The following NUDT5 variants were observed in gnomAD, a reference collection of about 807,000 sequenced individuals.
NUDT5 encodes the protein ADP-sugar pyrophosphatase.
NUDT5 carries 21 observed loss-of-function variants against 34.1 expected under a neutral mutation model. That is an observed-to-expected ratio of 0.62 (90% CI 0.44 to 0.89). The LOEUF (loss-of-function observed/expected upper bound fraction) is 0.89, where lower values mean the gene tolerates loss of function less well. Ranked by LOEUF, NUDT5 falls within the 40% of genes least tolerant of loss-of-function variation. The pLI is 0.00. For synonymous variants in NUDT5, 85 were observed against 97.6 expected (o/e 0.87, Z 0.76); for missense variants, 249 against 274.8 (o/e 0.91, Z 0.66).
Position 12,175,766 on chromosome 10 carries a change from CTACAAAAAAA to C in NUDT5, c.290-1963_290-1954del, listed in dbSNP as rs1262870692. Among the ~76,000 whole-genome samples the C allele has an allele frequency of 6.6e-6, 1 of 151,316 alleles. No homozygotes were observed. Among genetic ancestry groups the C allele is most frequent in the African/African-American group, 2.4e-5 (1 of 41,132 alleles). Reference sequence around the variant, plus strand: ...TGGGCAACATGGCAAAACCCCATCTCTACAAAAAAATACAAAAAATGAGGTGGGAGGATCA... The same window carrying C: ...TGGGCAACATGGCAAAACCCCATCTCTACAAAAAATGAGGTGGGAGGATCA... On this transcript the variant is annotated intron_variant, in intron 5 of 9. Transcript: ENST00000491614. The surrounding 1 kb of genome is among the most constrained non-coding windows in gnomAD (Gnocchi z 4.8).
Position 12,177,315 on chromosome 10 carries a change from C to G in NUDT5, c.289+478G>C, listed in dbSNP as rs182915618. On this transcript the variant is annotated intron_variant, in intron 5 of 9. Coordinates refer to ENST00000491614, the MANE Select transcript of NUDT5 (RefSeq NM_014142.4). Reference sequence around the variant, plus strand: ...CAGGCAGATCACAAGGTCAGGAGATCGAGACCATCCTGGCCAACACGGTGA... The same window carrying G: ...CAGGCAGATCACAAGGTCAGGAGATGGAGACCATCCTGGCCAACACGGTGA... 2.0e-4 allele frequency among the ~76,000 whole-genome samples: 30 copies of G among 152,060 alleles called. No homozygotes were observed. In the East Asian group the frequency reaches 5.1e-3, roughly 26 times the overall value.
rs948607026 is a variant in NUDT5 at position 12,173,930 on chromosome 10, G to A, written c.290-117C>T. ...CGCCCAGGCTGGAGTGCAGTGGTGCGATCTCGGCCCACTGCAACCTCCGCC... is the reference window on the plus strand; with the variant it reads ...CGCCCAGGCTGGAGTGCAGTGGTGCAATCTCGGCCCACTGCAACCTCCGCC... On this transcript the variant is annotated intron_variant, in intron 5 of 9. Coordinates refer to ENST00000491614, the MANE Select transcript of NUDT5 (RefSeq NM_014142.4). This position sits in a 1 kb window ranked among gnomAD's most constrained non-coding sequence, Gnocchi z 4.7. 8.9e-5 allele frequency: 66 copies of A among 737,444 alleles called. 1 individual carries two copies. Among genetic ancestry groups the A allele is most frequent in the African/African-American group, 1.9e-4 (11 of 57,068 alleles). The allele number at this position is 737,444 out of a possible 1,614,324, so 45.7% of individuals were successfully genotyped here. A position where few individuals can be genotyped will look rare whatever the true frequency, so the allele number is the denominator to read the frequency against.
At position 12,165,635 on chromosome 10, in the gene NUDT5, A is replaced by G. The variant is rs1834656215; in HGVS notation, c.*2067T>C. ...TATCCCAGTCTCCATTTGAAAGAGC[A>G]TAGATCTTGGTAAATCATTTTGAAA... On this transcript the variant is annotated 3_prime_UTR_variant, in exon 10 of 10. Coordinates refer to ENST00000491614, the MANE Select transcript of NUDT5 (RefSeq NM_014142.4). 1 of 152,404 alleles carries G rather than the reference A, an allele frequency of 6.6e-6. No homozygotes were observed. The highest frequency in any genetic ancestry group is 2.4e-5 in the African/African-American group (1 of 41,470). The allele number at this position is 152,404 out of a possible 1,614,324, so 9.4% of individuals were successfully genotyped here. A position where few individuals can be genotyped will look rare whatever the true frequency, so the allele number is the denominator to read the frequency against.
At chr10:12,174,449 T>G (rs1457308834) in intron 5 of NUDT5, among the ~76,000 whole-genome samples, 1 of 151,970 alleles carries the variant, frequency 6.6e-6, no homozygotes, top group Non-Finnish European at 1.5e-5. Context: ...GTATTTGTAG[T>G]AGAGGCTAAT....
In NUDT5 at chr10:12,170,664, G is replaced by C. The variant is rs1194605131; in HGVS notation, c.550+53C>G. On this transcript the variant is annotated intron_variant, in intron 9 of 9. Coordinates refer to ENST00000491614, the MANE Select transcript of NUDT5 (RefSeq NM_014142.4). The surrounding 1 kb of genome is among the most constrained non-coding windows in gnomAD (Gnocchi z 4.9). ...TTATATTTAGTACCCAGTTTGCTGG[G>C]ATGGGGACGGGGAGAACTGGAGAAA... is the stretch of plus-strand genomic sequence containing the variant. 2.6e-6 allele frequency: 4 copies of C among 1,533,984 alleles called. No individual in the cohort carries two copies. The highest frequency in any genetic ancestry group is 2.7e-6 in the Non-Finnish European group (3 of 1,108,754).
chr10:12,172,908 C>T, intron 6 of NUDT5, 42 bp from the exon 7 acceptor site: 1 of 1,410,876 alleles, frequency 7.1e-7, no homozygotes. Flanking sequence ...GTCCCTTTGG[C>T]ATTTGTTTCA....
chr10:12,189,000 T>C (rs1421451523), intron 1 of NUDT5, among the ~76,000 whole-genome samples: 1 of 152,250 alleles, frequency 6.6e-6, no homozygotes. Context: ...GTAAACCACG[T>C]AGAAGTTTAA....
intron 1 of NUDT5, among the ~76,000 whole-genome samples, chr10:12,194,827 T>G (rs1835302480): frequency 6.6e-6 from 1 of 152,188 alleles, no homozygotes; most frequent in African/African-American, 2.4e-5. Flanking sequence ...CGCGCAAGCC[T>G]AAAGCTCGTG....
chr10:12,167,942 T>C (rs1263947506), intron 9 of NUDT5, 131 bp from the exon 10 acceptor site: 5 of 1,447,846 alleles, frequency 3.5e-6, no homozygotes, highest in Non-Finnish European at 2.7e-6. Flanking sequence ...ATAACGTTTT[T>C]TTTGGTCTAT....
At chr10:12,193,992 T>C (rs1330620577) in intron 1 of NUDT5, among the ~76,000 whole-genome samples, 9 of 152,100 alleles carry the variant, frequency 5.9e-5, no homozygotes, top group African/African-American at 2.2e-4. Flanking sequence ...TTCTCCTGCC[T>C]CAGCCTCCCG....
intron 3 of NUDT5, among the ~76,000 whole-genome samples, chr10:12,183,494 G>A (rs886224135): frequency 2.0e-5 from 3 of 152,146 alleles, no homozygotes; most frequent in East Asian, 1.9e-4. Context: ...GCATCTTGAC[G>A]ATCTATTTCA....
chr10:12,186,010 C>A (rs945311030), intron 2 of NUDT5, among the ~76,000 whole-genome samples: 1 of 152,116 alleles, frequency 6.6e-6, no homozygotes, highest in Non-Finnish European at 1.5e-5. Context: ...CTGTTAAGAG[C>A]CCAAATCTCC....
chr10:12,187,305 G>A lies in NUDT5; in HGVS notation c.-41-973C>T, dbSNP rs1334081636. On this transcript the variant is annotated intron_variant, in intron 1 of 9. Coordinates refer to ENST00000491614, the MANE Select transcript of NUDT5 (RefSeq NM_014142.4). This position sits in a 1 kb window ranked among gnomAD's most constrained non-coding sequence, Gnocchi z 5.4. ...TCCCGCCTCGGTGTCCCAAAGTGCT[G>A]GGATTACAGGCATGAGCCACTGGAC... Among the ~76,000 whole-genome samples, 1 of 152,172 alleles carries A rather than the reference G, an allele frequency of 6.6e-6. No homozygotes were observed. Among genetic ancestry groups the A allele is most frequent in the African/African-American group, 2.4e-5 (1 of 41,422 alleles).
At position 12,182,641 on chromosome 10, in the gene NUDT5, C is replaced by T. The variant is rs961176550; in HGVS notation, c.131+2248G>A. On this transcript the variant is annotated intron_variant, in intron 3 of 9. Coordinates refer to ENST00000491614, the MANE Select transcript of NUDT5 (RefSeq NM_014142.4). The surrounding 1 kb of genome is among the most constrained non-coding windows in gnomAD (Gnocchi z 4.3). ...ATTTCGTCGTATTTTCAGAAAAGTCCCCATATGATTCTGATGTACATCCCT... is the reference window on the plus strand; with the variant it reads ...ATTTCGTCGTATTTTCAGAAAAGTCTCCATATGATTCTGATGTACATCCCT... Among the ~76,000 whole-genome samples, 2 of 152,086 alleles carry T rather than the reference C, an allele frequency of 1.3e-5. No homozygotes were observed. The highest frequency in any genetic ancestry group is 2.9e-5 in the Non-Finnish European group (2 of 68,022).
intron 1 of NUDT5, among the ~76,000 whole-genome samples, chr10:12,189,240 G>A (rs1835181158): frequency 6.6e-6 from 1 of 152,068 alleles, no homozygotes; most frequent in Admixed American, 6.6e-5. Flanking sequence ...CGAGTACCTG[G>A]GATTACAGGC....
In NUDT5 at chr10:12,181,064, C is replaced by T. The variant is rs182636567; in HGVS notation, c.132-1932G>A. Among the ~76,000 whole-genome samples the T allele has an allele frequency of 5.9e-5, 9 of 152,242 alleles. No individual in the cohort carries two copies. In the East Asian group the frequency reaches 1.2e-3, roughly 20 times the overall value. On this transcript the variant is annotated intron_variant, in intron 3 of 9. Transcript: ENST00000491614. The surrounding 1 kb of genome is among the most constrained non-coding windows in gnomAD (Gnocchi z 5.0). ...TCTCTTAGACTCGGCCCTTCATATC[C>T]GTGGGTTCTGCATTCATGGATTCAA... is the stretch of plus-strand genomic sequence containing the variant.
chr10:12,171,115 G>C lies in NUDT5; in HGVS notation c.488-207C>G, dbSNP rs1273915342. 6.6e-6 allele frequency among the ~76,000 whole-genome samples: 1 copy of C among 152,134 alleles called. No individual in the cohort carries two copies. The highest frequency in any genetic ancestry group is 1.5e-5 in the Non-Finnish European group (1 of 68,042). ...AAGTAGCAAAATTTAAAGCATATTC[G>C]ATAGTATGTATATTTTTATAGATAT... On this transcript the variant is annotated intron_variant, in intron 7 of 9. Transcript: ENST00000491614. The surrounding 1 kb of genome is among the most constrained non-coding windows in gnomAD (Gnocchi z 4.2).
chr10:12,178,512 T>C (rs541311134), intron 4 of NUDT5, among the ~76,000 whole-genome samples: 159 of 152,296 alleles, frequency 1.0e-3, no homozygotes, highest in African/African-American at 3.7e-3. Flanking sequence ...TACTGTTTGC[T>C]TCCAGCAAAA....
rs371970527 is a variant in NUDT5, at chr10:12,191,916, C to T, written c.-42+3854G>A. ...CTATGAACTCAAAAGCCTGGTTCTGCAGTTGGCACTGAGGCTCATTACTCA... is the reference window on the plus strand; with the variant it reads ...CTATGAACTCAAAAGCCTGGTTCTGTAGTTGGCACTGAGGCTCATTACTCA... On this transcript the variant is annotated intron_variant, in intron 1 of 9. Transcript: ENST00000491614. Among the ~76,000 whole-genome samples, 29 of 152,234 alleles carry T rather than the reference C, an allele frequency of 1.9e-4. No individual in the cohort carries two copies. The East Asian group carries it at 5.0e-3, about 26-fold the overall frequency.
Sources: allele counts gnomAD v4.1 joint callset (sites outside exome capture counted in the v4.1 genomes callset), GRCh38; gene constraint gnomAD v4.1.1; non-coding constraint Gnocchi (gnomAD v3.1); transcripts MANE v1.5; gene names NCBI Gene and HGNC (gene_info 2026-07-23, HGNC 2026-07-21).